XPR1: variants seen among roughly 807,000 people sequenced by gnomAD.
XPR1 encodes xenotropic and polytropic retrovirus receptor 1, also known as solute carrier family 53 member 1.
Under a neutral mutation model 87.5 loss-of-function variants are expected in XPR1, and 28 were observed. The ratio of observed to expected loss-of-function variants is 0.32; its 90% CI spans 0.24 to 0.44. XPR1 has a LOEUF of 0.44. Ranked by LOEUF, XPR1 falls within the 20% of genes least tolerant of loss-of-function variation. The pLI is 1.00. For synonymous variants in XPR1, 300 were observed against 306.1 expected, an observed-to-expected ratio of 0.98 and a Z score of 0.21; for missense variants, 559 against 862.3, an observed-to-expected ratio of 0.65 and a Z score of 4.41.
intron 2 of XPR1, among the ~76,000 whole-genome samples, chr1:180,777,772 G>A (rs1270077000): frequency 6.6e-6 from 1 of 152,074 alleles, no homozygotes; most frequent in African/African-American, 2.4e-5. Flanking sequence ...GCATGAAACA[G>A]TAGTGCTAAA....
chr1:180,671,242 C>T (rs184669359), intron 1 of XPR1, among the ~76,000 whole-genome samples: 20 of 152,190 alleles, frequency 1.3e-4, no homozygotes, highest in Admixed American at 3.3e-4. Context: ...GTAGGAGAAT[C>T]GGGCTACTGC....
chr1:180,734,597 A>G (rs1021545051), intron 2 of XPR1, among the ~76,000 whole-genome samples: 7 of 152,184 alleles, frequency 4.6e-5, no homozygotes, highest in African/African-American at 1.4e-4. Context: ...TCAAGTTTCA[A>G]GACTGGGAGG....
chr1:180,884,628 T>C lies in XPR1; in HGVS notation c.*562T>C, dbSNP rs1244683535. ...TTTTAATTTGATGTAACTTTTCTTA[T>C]TTTGGGAAGGGTTGCTGGGTGGGTG... is the stretch of plus-strand genomic sequence containing the variant. On this transcript the variant is annotated 3_prime_UTR_variant, in exon 15 of 15. Transcript: ENST00000367590. 2 of 152,672 alleles carry C rather than the reference T, an allele frequency of 1.3e-5. No homozygotes were observed. The highest frequency in any genetic ancestry group is 4.8e-5 in the African/African-American group (2 of 41,450). 9.5% of individuals were successfully genotyped at this position (152,672 alleles called of 1,614,324 possible).
intron 1 of XPR1, among the ~76,000 whole-genome samples, chr1:180,642,392 C>G (rs1183993581): frequency 6.6e-6 from 1 of 151,914 alleles, no homozygotes; most frequent in Non-Finnish European, 1.5e-5. Context: ...AACCAGTTTA[C>G]TAAGTATACA....
At chr1:180,786,806 CCTT>C (rs994064121) in intron 2 of XPR1, among the ~76,000 whole-genome samples, 2 of 152,156 alleles carry the variant, frequency 1.3e-5, no homozygotes, top group Non-Finnish European at 2.9e-5. Context: ...CCCAACCACT[CCTT>C]CTCCTGAAGG....
chr1:180,761,879 C>G (rs1276280368), intron 2 of XPR1, among the ~76,000 whole-genome samples: 2 of 152,036 alleles, frequency 1.3e-5, no homozygotes, highest in Non-Finnish European at 2.9e-5. Context: ...CCCAAATGTC[C>G]AACAACAATA....
intron 11 of XPR1, among the ~76,000 whole-genome samples, chr1:180,852,682 A>G (rs1041732218): frequency 3.3e-5 from 5 of 151,672 alleles, no homozygotes; most frequent in African/African-American, 7.3e-5. Context: ...CTGAGTAGCT[A>G]GGACTACAGG....
intron 3 of XPR1, among the ~76,000 whole-genome samples, chr1:180,799,746 A>G (rs554747380): frequency 1.3e-5 from 2 of 152,286 alleles, no homozygotes; most frequent in African/African-American, 4.8e-5. Context: ...TCTGGGGTTC[A>G]GTGCTAGTCT....
In XPR1 at chr1:180,836,710, C is replaced by T. The variant is rs1264243693; in HGVS notation, c.1495C>T (p.His499Tyr). The change falls in exon 11 of 15, where the codon CAC (histidine) becomes TAC (tyrosine). Residue 499 changes from histidine (H) to tyrosine (Y), a missense_variant. By Grantham distance (83) the His-to-Tyr change is moderately conservative. Around this residue, in one of 7 missense-constraint regions of XPR1, gnomAD observed 264 missense variants for 377.2 expected, o/e 0.70. Transcript: ENST00000367590. ...MVTFAALYST[H>Y]KERGHSDTMV... ...GACGTTTGCAGCCCTTTACAGCACTCACAAAGGTATTCTGTGATTGACTCT... is the reference window on the plus strand; with the variant it reads ...GACGTTTGCAGCCCTTTACAGCACTTACAAAGGTATTCTGTGATTGACTCT... 6.2e-7 allele frequency: 1 copy of T among 1,613,792 alleles called. No homozygotes were observed. The highest frequency in any genetic ancestry group is 1.7e-5 in the Admixed American group (1 of 60,020).
intron 3 of XPR1, among the ~76,000 whole-genome samples, chr1:180,788,646 T>G (rs1649267444): frequency 6.6e-6 from 1 of 152,194 alleles, no homozygotes; most frequent in Non-Finnish European, 1.5e-5. Flanking sequence ...ATCTATTCCC[T>G]GAGCAGTAAT....
chr1:180,662,792 C>A (rs2101920893), intron 1 of XPR1, among the ~76,000 whole-genome samples: 1 of 152,228 alleles, frequency 6.6e-6, no homozygotes. Flanking sequence ...TTGTCTAGAT[C>A]TTGTAGGCAT....
chr1:180,642,539 A>G (rs1295297106), intron 1 of XPR1, among the ~76,000 whole-genome samples: 1 of 152,074 alleles, frequency 6.6e-6, no homozygotes, highest in Non-Finnish European at 1.5e-5. Context: ...AGGTTTTGTT[A>G]TCCCCATTAT....
rs56118040 is a variant in XPR1 at position 180,694,773 on chromosome 1, GCACACACACA to G, written c.121+12384_121+12393del. On this transcript the variant is annotated intron_variant, in intron 2 of 14. Coordinates refer to ENST00000367590, the MANE Select transcript of XPR1 (RefSeq NM_004736.4). The stretch of plus-strand genomic sequence containing the variant: ...TCACCCCGACTCCTGATTGTTGTGT[GCACACACACA>G]CACACACACACACACACACACCATG... 7.8e-4 allele frequency among the ~76,000 whole-genome samples: 116 copies of G among 149,518 alleles called. No homozygotes were observed. The South Asian group carries it at 0.018, about 23-fold the overall frequency.
intron 1 of XPR1, among the ~76,000 whole-genome samples, chr1:180,644,693 C>T (rs939908141): frequency 6.6e-6 from 1 of 152,014 alleles, no homozygotes; most frequent in African/African-American, 2.4e-5. Context: ...GGTTCCCAAC[C>T]TTTTTGGCAC....
intron 1 of XPR1, among the ~76,000 whole-genome samples, chr1:180,663,369 C>A (rs1655841794): frequency 6.6e-6 from 1 of 152,208 alleles, no homozygotes; most frequent in African/African-American, 2.4e-5. Flanking sequence ...AGCCCAGTAA[C>A]ATTGTGGTTC....
At chr1:180,811,547 GC>G (rs1270721731) in intron 7 of XPR1, 59 bp downstream of exon 7, 1 of 1,366,962 alleles carries the variant, frequency 7.3e-7, no homozygotes, top group African/African-American at 1.4e-5. Context: ...GTCATATTCT[GC>G]CCCTCTGTAA....
chr1:180,723,727 G>A (rs190880384), intron 2 of XPR1, among the ~76,000 whole-genome samples: 4 of 152,156 alleles, frequency 2.6e-5, no homozygotes, highest in East Asian at 3.9e-4. Context: ...GTGATCCAGA[G>A]CCATCTTAAT....
chr1:180,747,564 A>T (rs1647306197), intron 2 of XPR1, among the ~76,000 whole-genome samples: 1 of 152,226 alleles, frequency 6.6e-6, no homozygotes, highest in Admixed American at 6.5e-5. Context: ...GTGAATAATG[A>T]TAAGTTGATT....
chr1:180,730,207 G>A (rs755980881), intron 2 of XPR1, among the ~76,000 whole-genome samples: 1 of 152,058 alleles, frequency 6.6e-6, no homozygotes, highest in Non-Finnish European at 1.5e-5. Context: ...TAGGTGTGCA[G>A]CTTTATTTCT....
Sources: allele counts gnomAD v4.1 joint callset (sites outside exome capture counted in the v4.1 genomes callset), GRCh38; gene constraint gnomAD v4.1.1; regional missense constraint gnomAD v4.1.1; transcripts MANE v1.5; gene names NCBI Gene and HGNC (gene_info 2026-07-23, HGNC 2026-07-21).